The following PHIP variants were observed in gnomAD, a reference collection of about 807,000 sequenced individuals.
The protein encoded by PHIP is PH-interacting protein.
PHIP carries 54 observed loss-of-function variants against 236.8 expected under a neutral mutation model. The ratio of observed to expected loss-of-function variants is 0.23; its 90% CI spans 0.18 to 0.29. The LOEUF (loss-of-function observed/expected upper bound fraction) is 0.29. Ranked by LOEUF, PHIP falls within the 10% of genes least tolerant of loss-of-function variation. The pLI, the probability that PHIP is intolerant of heterozygous loss-of-function variation, is 1.00. For synonymous variants in PHIP, 756 were observed against 718.9 expected (o/e 1.05, Z -0.83); for missense variants, 1,370 against 2,190.8 (o/e 0.63, Z 7.48).
Position 78,983,057 on chromosome 6 carries a change from T to C in PHIP, c.2598A>G (p.Pro866=). 2.5e-6 allele frequency: 4 copies of C among 1,612,606 alleles called. No individual in the cohort carries two copies. The highest frequency in any genetic ancestry group is 8.5e-7 in the Non-Finnish European group (1 of 1,179,406). The change falls in exon 23 of 40, where the codon CCA becomes CCG. Residue 866 remains proline, a synonymous_variant. Transcript: ENST00000275034. ...TADAGINLQP[P]KKVPKNKTKK... ...TGGTTTTATTCTTAGGAACTTTCTT[T>C]GGTGGCTGCAGATTAATTCCTGCAT...
intron 7 of PHIP, among the ~76,000 whole-genome samples, chr6:79,041,834 A>C (rs1266243657): frequency 6.6e-6 from 1 of 152,084 alleles, no homozygotes; most frequent in South Asian, 2.1e-4. Flanking sequence ...AGGGAAAAGA[A>C]AAGTATAAAA....
intron 20 of PHIP, among the ~76,000 whole-genome samples, chr6:78,990,382 G>A (rs907085130): frequency 2.6e-5 from 4 of 152,178 alleles, no homozygotes; most frequent in Non-Finnish European, 1.5e-5. Flanking sequence ...TTTTTCCAGA[G>A]TAGGATGACA....
At chr6:78,954,297 G>A (rs933872685) in intron 35 of PHIP, among the ~76,000 whole-genome samples, 9 of 151,498 alleles carry the variant, frequency 5.9e-5, no homozygotes, top group Non-Finnish European at 1.2e-4. Flanking sequence ...AAGTAGAGAC[G>A]GGATTTCACC....
chr6:79,041,652 T>C (rs1205920031), intron 7 of PHIP, among the ~76,000 whole-genome samples: 1 of 152,046 alleles, frequency 6.6e-6, no homozygotes, highest in African/African-American at 2.4e-5. Context: ...GCTAAATTAA[T>C]TTTCGATTAC....
chr6:79,037,669 G>A (rs538990882), intron 7 of PHIP, among the ~76,000 whole-genome samples: 5 of 152,218 alleles, frequency 3.3e-5, no homozygotes, highest in Non-Finnish European at 7.3e-5. Flanking sequence ...TTCCAAGTCT[G>A]AAGTACAAGA....
chr6:78,995,810 G>C (rs1428779729), intron 19 of PHIP, among the ~76,000 whole-genome samples: 1 of 152,128 alleles, frequency 6.6e-6, no homozygotes, highest in Non-Finnish European at 1.5e-5. Flanking sequence ...AATGGATGAG[G>C]CTGACCCATT....
chr6:79,002,508 G>C (rs1348325817), intron 16 of PHIP, among the ~76,000 whole-genome samples: 1 of 151,970 alleles, frequency 6.6e-6, no homozygotes, highest in African/African-American at 2.4e-5. Flanking sequence ...ATGAAATCAC[G>C]TGCCATCTCA....
At chr6:79,067,186 T>C (rs1003087128) in intron 4 of PHIP, among the ~76,000 whole-genome samples, 17 of 152,136 alleles carry the variant, frequency 1.1e-4, no homozygotes, top group Admixed American at 4.6e-4. Flanking sequence ...CATGCCTAGC[T>C]CTCATCCCTT....
chr6:78,971,101 T>C (rs1217281866), intron 24 of PHIP, among the ~76,000 whole-genome samples: 2 of 152,262 alleles, frequency 1.3e-5, no homozygotes, highest in African/African-American at 4.8e-5. Context: ...TACACACTTA[T>C]AAGTTAAGAT....
chr6:79,052,100 ATGTTAAG>A (rs1450445141), intron 6 of PHIP, among the ~76,000 whole-genome samples: 1 of 152,182 alleles, frequency 6.6e-6, no homozygotes. Context: ...ACTTACAACA[ATGTTAAG>A]TGTTATCAAA....
intron 4 of PHIP, among the ~76,000 whole-genome samples, chr6:79,075,512 C>T (rs1774106281): frequency 6.6e-6 from 1 of 151,918 alleles, no homozygotes; most frequent in African/African-American, 2.4e-5. Flanking sequence ...AGAATGCTTA[C>T]TGTATCTTAA....
Position 79,025,629 on chromosome 6 carries a change from C to T in PHIP, c.823-10G>A. 1 of 1,530,908 alleles carries T rather than the reference C, an allele frequency of 6.5e-7. No homozygotes were observed. The highest frequency in any genetic ancestry group is 9.0e-7 in the Non-Finnish European group (1 of 1,114,372). 94.8% of individuals were successfully genotyped at this position (1,530,908 alleles called of 1,614,324 possible). A position where few individuals can be genotyped will look rare whatever the true frequency, so the allele number is the denominator to read the frequency against. Reference sequence around the variant, plus strand: ...TGCACAATGGTGAGAACTGAAAAGACAATCACAGAAAAAAAATCTTTACAA... The same window carrying T: ...TGCACAATGGTGAGAACTGAAAAGATAATCACAGAAAAAAAATCTTTACAA... On this transcript the variant is annotated splice_polypyrimidine_tract_variant and intron_variant, in intron 8 of 39. Coordinates refer to ENST00000275034, the MANE Select transcript of PHIP (RefSeq NM_017934.7).
At chr6:79,059,663 T>C (rs1244829202) in intron 6 of PHIP, among the ~76,000 whole-genome samples, 4 of 141,896 alleles carry the variant, frequency 2.8e-5, no homozygotes, top group African/African-American at 1.1e-4. Context: ...TTACGATCTG[T>C]ATAATAAGTA....
rs184099483 is a variant in PHIP at position 78,938,953 on chromosome 6, T to G, written c.*1740A>C. ...TGCCAAGGTTCAATTGCAGACTTTATTTTTCTACATCAGGGTCATGCTGAT... is the reference window on the plus strand; with the variant it reads ...TGCCAAGGTTCAATTGCAGACTTTAGTTTTCTACATCAGGGTCATGCTGAT... On this transcript the variant is annotated 3_prime_UTR_variant, in exon 40 of 40. Transcript: ENST00000275034. 6.6e-5 allele frequency: 10 copies of G among 151,826 alleles called. No individual in the cohort carries two copies. The highest frequency in any genetic ancestry group is 5.9e-4 in the Admixed American group (9 of 15,252). 9.4% of individuals were successfully genotyped at this position (151,826 alleles called of 1,614,324 possible). A position where few individuals can be genotyped will look rare whatever the true frequency, so the allele number is the denominator to read the frequency against.
intron 30 of PHIP, among the ~76,000 whole-genome samples, chr6:78,962,011 G>A (rs758189379): frequency 6.6e-6 from 1 of 151,846 alleles, no homozygotes; most frequent in Non-Finnish European, 1.5e-5. Context: ...CAAATTCTAG[G>A]GGTATTGTTT....
In PHIP at chr6:78,967,963, T is replaced by C. The variant is rs189076701; in HGVS notation, c.3205+1872A>G. ...TCCTGGCTAACGCGGTGAAACCCTGTCTCTACTAAAAATACAAAAAAAAAA... is the reference window on the plus strand; with the variant it reads ...TCCTGGCTAACGCGGTGAAACCCTGCCTCTACTAAAAATACAAAAAAAAAA... On this transcript the variant is annotated intron_variant, in intron 27 of 39. Coordinates refer to ENST00000275034, the MANE Select transcript of PHIP (RefSeq NM_017934.7). Among the ~76,000 whole-genome samples, 855 of 151,750 alleles carry C rather than the reference T, an allele frequency of 5.6e-3. 13 individuals are homozygous for C. The highest frequency in any genetic ancestry group is 0.02 in the African/African-American group (824 of 41,350).
intron 21 of PHIP, 134 bp downstream of exon 21, chr6:78,988,075 G>C (rs1309622942): frequency 4.0e-6 from 2 of 502,944 alleles, no homozygotes; most frequent in South Asian, 4.9e-5. Context: ...GAAAATAAAA[G>C]CTGTATCATA....
At position 78,988,353 on chromosome 6, in the gene PHIP, G is replaced by T. The variant is rs1562156221; in HGVS notation, c.2320-4C>A. On this transcript the variant is annotated splice_region_variant and splice_polypyrimidine_tract_variant and intron_variant, in intron 20 of 39. Coordinates refer to ENST00000275034, the MANE Select transcript of PHIP (RefSeq NM_017934.7). ...GGAAATGCTCATGAGCATGATTCTAGAAAAAAATAAATTAAATTTATTCAC... is the reference window on the plus strand; with the variant it reads ...GGAAATGCTCATGAGCATGATTCTATAAAAAAATAAATTAAATTTATTCAC... 2 of 1,564,280 alleles carry T rather than the reference G, an allele frequency of 1.3e-6. No homozygotes were observed. Among genetic ancestry groups the T allele is most frequent in the Non-Finnish European group, 1.7e-6 (2 of 1,157,308 alleles).
chr6:78,938,083 T>C lies in PHIP; in HGVS notation c.*2610A>G, dbSNP rs1773339791. 6.6e-6 allele frequency: 1 copy of C among 151,698 alleles called. No homozygotes were observed. Among genetic ancestry groups the C allele is most frequent in the African/African-American group, 2.4e-5 (1 of 41,422 alleles). 9.4% of individuals were successfully genotyped at this position (151,698 alleles called of 1,614,324 possible). A position where few individuals can be genotyped will look rare whatever the true frequency, so the allele number is the denominator to read the frequency against. On this transcript the variant is annotated 3_prime_UTR_variant, in exon 40 of 40. Transcript: ENST00000275034. ...CCAAGTGGTAAAGAAAACAAAAATA[T>C]GGTGATGACTTAAATTTCTTAATTC...
Sources: gnomAD v4.1 joint callset for allele counts (sites outside exome capture counted in the v4.1 genomes callset) on GRCh38, gnomAD v4.1.1 for gene constraint, MANE v1.5 for transcripts, NCBI Gene and HGNC (gene_info 2026-07-23, HGNC 2026-07-21) for gene names.